Variants in TAF1 observed in about 807,000 individuals in gnomAD.
TAF1 encodes the protein TATA-box binding protein associated factor 1.
TAF1 carries 2 observed loss-of-function variants against 138.5 expected under a neutral mutation model. That is an observed-to-expected ratio of 0.01 (90% CI 0.01 to 0.05). TAF1 has a LOEUF of 0.05. Ranked by LOEUF, TAF1 falls within the 10% of genes least tolerant of loss-of-function variation. The pLI is 1.00. For missense variants in TAF1, 709 were observed against 1,478.0 expected, an observed-to-expected ratio of 0.48 and a Z score of 8.53; for synonymous variants, 437 against 503.2, an observed-to-expected ratio of 0.87 and a Z score of 1.76.
intron 32 of TAF1, among the ~76,000 whole-genome samples, chrX:71,452,872 A>G (rs1206246158): frequency 8.9e-6 from 1 of 112,450 alleles, no homozygotes; most frequent in African/African-American, 3.2e-5. Flanking sequence ...CAGCCCGGCC[A>G]ACACAGCGAA....
At chrX:71,437,834 C>CTTT (rs1163295877) in intron 32 of TAF1, among the ~76,000 whole-genome samples, 3 of 93,683 alleles carry the variant, frequency 3.2e-5, no homozygotes, top group Admixed American at 1.2e-4. Flanking sequence ...GTCATTTTAA[C>CTTT]TTTTTTTTTT....
intron 14 of TAF1, chrX:71,529,638 C>T (rs1415080537): frequency 1.2e-5 from 4 of 330,469 alleles, no homozygotes; most frequent in South Asian, 5.3e-5. Flanking sequence ...TAAGTACAGG[C>T]ACATGTTCCT....
Position 71,454,093 on chromosome X carries a change from A to T in TAF1, c.4754-77A>T. 4.4e-6 allele frequency: 4 copies of T among 902,934 alleles called. No homozygotes were observed. In the African/African-American group the frequency reaches 5.8e-5, roughly 13 times the overall value. 74.4% of individuals were successfully genotyped at this position (902,934 alleles called of 1,213,427 possible). On this transcript the variant is annotated intron_variant, in intron 32 of 37. Coordinates refer to ENST00000423759, the MANE Select transcript of TAF1 (RefSeq NM_004606.5). The stretch of plus-strand genomic sequence containing the variant: ...GTTTTTCTAGGTCTAGGATAATGGG[A>T]CACACTGCTGATGACAGAATGTAAA...
chrX:71,519,011 T>C (rs1273332455), intron 13 of TAF1, among the ~76,000 whole-genome samples: 1 of 108,569 alleles, frequency 9.2e-6, no homozygotes, highest in Non-Finnish European at 1.9e-5. Context: ...CTACTTATTA[T>C]AAAATTCTAT....
At chrX:71,509,523 GTAT>G (rs1287217529) in intron 13 of TAF1, among the ~76,000 whole-genome samples, 1 of 110,766 alleles carries the variant, frequency 9.0e-6, no homozygotes, top group Non-Finnish European at 1.9e-5. Flanking sequence ...AGCATAAAGG[GTAT>G]TATTATTATT....
At chrX:71,406,796 C>T (rs1387625274) in intron 26 of TAF1, 50 bp downstream of exon 26, 2 of 1,059,796 alleles carry the variant, frequency 1.9e-6, no homozygotes, top group African/African-American at 1.8e-5. Context: ...TCATTGATTC[C>T]CCAGCCCTGT....
At chrX:71,494,212 TAGG>T (rs2039351860) in intron 13 of TAF1, among the ~76,000 whole-genome samples, 1 of 110,938 alleles carries the variant, frequency 9.0e-6, no homozygotes, top group African/African-American at 3.3e-5. Context: ...CACCTGAGGT[TAGG>T]AGATCGAGAC....
chrX:71,410,454 C>CTTTTTT (rs57027102), intron 28 of TAF1, among the ~76,000 whole-genome samples: 32 of 70,622 alleles, frequency 4.5e-4, no homozygotes, highest in South Asian at 7.0e-4. Flanking sequence ...TTTCTTTTTT[C>CTTTTTT]TTTTTTTTTT....
chrX:71,392,670 T>G lies in TAF1; in HGVS notation c.2883T>G (p.Gly961=). 8.3e-7 allele frequency: 1 copy of G among 1,207,926 alleles called. No homozygotes were observed. Among genetic ancestry groups the G allele is most frequent in the African/African-American group, 1.7e-5 (1 of 57,524 alleles). ...GGGTGGCAGATCCCACGGGGTGTGG[T>G]GAAGGATTCTCCTATGTGAAGATTC... The part of the protein sequence containing the change: ...VTGVADPTGC[G]EGFSYVKIPN... Residue 961 remains glycine, a synonymous_variant, in exon 19 of 38, where the codon GGT becomes GGG. Transcript: ENST00000423759.
chrX:71,417,572 C>T (rs1195335075), intron 28 of TAF1, among the ~76,000 whole-genome samples: 2 of 110,266 alleles, frequency 1.8e-5, no homozygotes, highest in Non-Finnish European at 3.8e-5. Context: ...TCACATTGCC[C>T]AGGCTGGTCT....
At chrX:71,529,054 C>T (rs1301950427) in intron 14 of TAF1, among the ~76,000 whole-genome samples, 15 of 106,226 alleles carry the variant, frequency 1.4e-4, no homozygotes, top group African/African-American at 4.8e-4. Flanking sequence ...AGAAACAGAG[C>T]GCTGATTGGT....
intron 13 of TAF1, among the ~76,000 whole-genome samples, chrX:71,495,164 A>T (rs2039373420): frequency 9.0e-6 from 1 of 111,730 alleles, no homozygotes; most frequent in African/African-American, 3.3e-5. Context: ...TGCTGGATAG[A>T]GGCAAAGAAG....
In TAF1 at chrX:71,382,396, TG is replaced by T. The variant is rs1159797987; in HGVS notation, c.1538-131del. On this transcript the variant is annotated intron_variant, in intron 9 of 37. Coordinates refer to ENST00000423759, the MANE Select transcript of TAF1 (RefSeq NM_004606.5). Reference sequence around the variant, plus strand: ...AGTAAATCGTGGACTAGAAGTTACCTGGGGGGGGGTGGGATGAAAGGTCTAG... The same window carrying T: ...AGTAAATCGTGGACTAGAAGTTACCTGGGGGGGGTGGGATGAAAGGTCTAG... The T allele has an allele frequency of 3.7e-3, 2,606 of 712,687 alleles. 1 individual carries two copies. Among genetic ancestry groups the T allele is most frequent in the Middle Eastern group, 5.3e-3 (10 of 1,894 alleles). 58.7% of individuals were successfully genotyped at this position (712,687 alleles called of 1,213,427 possible). A position where few individuals can be genotyped will look rare whatever the true frequency, so the allele number is the denominator to read the frequency against.
intron 13 of TAF1, among the ~76,000 whole-genome samples, chrX:71,473,336 GGT>G (rs757212738): frequency 9.1e-6 from 1 of 110,240 alleles, no homozygotes; most frequent in East Asian, 2.8e-4. Flanking sequence ...TGGCAGGTGA[GGT>G]GGGGTGAGGA....
intron 13 of TAF1, among the ~76,000 whole-genome samples, chrX:71,493,297 GCTAA>G (rs956816019): frequency 1.8e-5 from 2 of 112,208 alleles, no homozygotes; most frequent in African/African-American, 6.5e-5. Flanking sequence ...ACAGGCGTGA[GCTAA>G]CTCTTACTTT....
chrX:71,430,019 C>G (rs181696240), intron 32 of TAF1, among the ~76,000 whole-genome samples: 37 of 111,801 alleles, frequency 3.3e-4, no homozygotes, highest in African/African-American at 1.2e-3. Flanking sequence ...ATGTTCTTTG[C>G]AGCATTGCTT....
intron 8 of TAF1, among the ~76,000 whole-genome samples, chrX:71,380,226 T>C (rs2033793889): frequency 9.0e-6 from 1 of 110,796 alleles, no homozygotes. Context: ...TCATTTTTTA[T>C]TTTTCATTGT....
intron 13 of TAF1, chrX:71,491,040 GTTGTTTTTTTT>G (rs1304576643): frequency 1.4e-5 from 1 of 69,735 alleles, no homozygotes; most frequent in African/African-American, 5.8e-5. Context: ...TGTTGTTGTT[GTTGTTTTTTTT>G]TTTTTTTTTT....
intron 13 of TAF1, among the ~76,000 whole-genome samples, chrX:71,526,849 C>T (rs771600860): frequency 3.8e-5 from 4 of 105,274 alleles, no homozygotes; most frequent in Admixed American, 2.1e-4. Flanking sequence ...AGGAGGATCA[C>T]GTAAGGCCAG....
Sources: allele counts gnomAD v4.1 joint callset (sites outside exome capture counted in the v4.1 genomes callset), GRCh38; gene constraint gnomAD v4.1.1; transcripts MANE v1.5; gene names NCBI Gene and HGNC (gene_info 2026-07-23, HGNC 2026-07-21).